The following ABCB1 variants were observed in gnomAD, a reference collection of about 807,000 sequenced individuals.
ABCB1 encodes ATP-dependent translocase ABCB1.
Under a neutral mutation model 142.0 loss-of-function variants are expected in ABCB1, and 69 were observed. That is an observed-to-expected ratio of 0.49 (90% CI 0.40 to 0.59). The LOEUF is 0.59. Ranked by LOEUF, ABCB1 falls within the 20% of genes least tolerant of loss-of-function variation. The pLI is 0.00. For synonymous variants in ABCB1, 532 were observed against 539.2 expected (o/e 0.99, Z 0.18); for missense variants, 1,326 against 1,554.7 (o/e 0.85, Z 2.47).
At chr7:87,697,923 C>T (rs939599876) in intron 1 of ABCB1, among the ~76,000 whole-genome samples, 12 of 152,040 alleles carry the variant, frequency 7.9e-5, no homozygotes, top group South Asian at 2.1e-4. Flanking sequence ...CCCCTCCAAA[C>T]GGCTAACAAA....
chr7:87,505,765 G>T (rs1375932599), intron 27 of ABCB1, 132 bp downstream of exon 27: 15 of 1,115,458 alleles, frequency 1.3e-5, no homozygotes, highest in Non-Finnish European at 1.9e-5. Flanking sequence ...TACAGAAAGT[G>T]TTTACATTTT....
At chr7:87,663,716 A>G (rs1010765676) in intron 1 of ABCB1, among the ~76,000 whole-genome samples, 3 of 152,154 alleles carry the variant, frequency 2.0e-5, no homozygotes, top group Non-Finnish European at 4.4e-5. Context: ...GAGTACTATA[A>G]CAAAATACTA....
intron 27 of ABCB1, among the ~76,000 whole-genome samples, chr7:87,505,446 C>T (rs545382821): frequency 1.3e-5 from 2 of 152,228 alleles, no homozygotes; most frequent in South Asian, 4.1e-4. Flanking sequence ...TACAGACTCC[C>T]GAATTTTTTT....
intron 7 of ABCB1, among the ~76,000 whole-genome samples, chr7:87,561,864 T>C (rs1057362456): frequency 2.0e-5 from 3 of 152,068 alleles, no homozygotes; most frequent in African/African-American, 7.2e-5. Context: ...CACATGCCTA[T>C]TGTCTCAGCT....
intron 1 of ABCB1, among the ~76,000 whole-genome samples, chr7:87,702,875 CT>C (rs765627938): frequency 3.5e-4 from 54 of 152,252 alleles, no homozygotes; most frequent in Non-Finnish European, 5.7e-4. Flanking sequence ...CTGAAATACT[CT>C]TGTCCCAAGC....
At chr7:87,628,886 G>A in intron 1 of ABCB1, 1 of 1,300,072 alleles carries the variant, frequency 7.7e-7, no homozygotes, top group Non-Finnish European at 9.8e-7. Context: ...GAGGCGGCAA[G>A]AAAAGCCTGA....
chr7:87,539,267 C>G lies in ABCB1; in HGVS notation c.2397+1G>C, dbSNP rs764778797. ...CAGGGCACAGCCCTCGATAGACATA[C>G]CTGTCTGAGCATGGATCGGAAAACC... is the stretch of plus-strand genomic sequence containing the variant. On this transcript the variant is annotated splice_donor_variant, in intron 19 of 27. Coordinates refer to ENST00000622132, the MANE Select transcript of ABCB1 (RefSeq NM_001348946.2). LOFTEE classifies it high-confidence loss of function. 1 of 1,613,932 alleles carries G rather than the reference C, an allele frequency of 6.2e-7. No individual in the cohort carries two copies. The highest frequency in any genetic ancestry group is 8.5e-7 in the Non-Finnish European group (1 of 1,179,884).
intron 1 of ABCB1, among the ~76,000 whole-genome samples, chr7:87,647,041 G>T (rs542411231): frequency 6.6e-6 from 1 of 152,028 alleles, no homozygotes; most frequent in South Asian, 2.1e-4. Flanking sequence ...CCTCAATCAG[G>T]GTTCATCTGA....
chr7:87,546,720 C>G lies in ABCB1; in HGVS notation c.1726-696G>C, dbSNP rs28381907. 3.6e-3 allele frequency among the ~76,000 whole-genome samples: 554 copies of G among 152,156 alleles called. 12 individuals carry two copies. The highest frequency in any genetic ancestry group is 0.034 in the East Asian group (178 of 5,182). ...GCCCTAGGAATTATAATATCCTATC[C>G]CGCATGACCCCCTGGATGAACAAGA... On this transcript the variant is annotated intron_variant, in intron 14 of 27. Coordinates refer to ENST00000622132, the MANE Select transcript of ABCB1 (RefSeq NM_001348946.2).
intron 1 of ABCB1, among the ~76,000 whole-genome samples, chr7:87,610,536 A>G (rs1270776758): frequency 6.6e-6 from 1 of 150,892 alleles, no homozygotes; most frequent in Non-Finnish European, 1.5e-5. Flanking sequence ...GGAGTCAGCC[A>G]CTGCATCTGG....
At chr7:87,549,024 C>T (rs552007486) in intron 14 of ABCB1, among the ~76,000 whole-genome samples, 1 of 152,268 alleles carries the variant, frequency 6.6e-6, no homozygotes, top group African/African-American at 2.4e-5. Context: ...TCCACATAGT[C>T]AAGTTTTGAA....
chr7:87,512,822 C>G (rs150952375), intron 25 of ABCB1, among the ~76,000 whole-genome samples: 67 of 152,298 alleles, frequency 4.4e-4, no homozygotes, highest in Middle Eastern at 6.8e-3. Flanking sequence ...AATGGATATT[C>G]CTGCAATAAA....
At position 87,587,647 on chromosome 7, in the gene ABCB1, A is replaced by G. The variant is rs185481261; in HGVS notation, c.118-1967T>C. ...AGCACTTTGGGAGGCCAAGGCGGGC[A>G]GATCACGAGGTCAGGAGATCAATAC... On this transcript the variant is annotated intron_variant, in intron 3 of 27. Transcript: ENST00000622132. Among the ~76,000 whole-genome samples the G allele has an allele frequency of 8.8e-3, 1,343 of 152,164 alleles. 20 individuals carry two copies. The highest frequency in any genetic ancestry group is 0.031 in the African/African-American group (1,270 of 41,532).
Position 87,515,425 on chromosome 7 carries a change from T to C in ABCB1, c.3088A>G (p.Thr1030Ala), listed in dbSNP as rs201542635. 6.2e-7 allele frequency: 1 copy of C among 1,614,080 alleles called. No individual in the cohort carries two copies. Among genetic ancestry groups the C allele is most frequent in the Non-Finnish European group, 8.5e-7 (1 of 1,179,924 alleles). The change falls in exon 25 of 28, where the codon ACA becomes GCA. Residue 1030 changes from threonine (T) to alanine (A), a missense_variant. Physicochemically the swap from Thr to Ala is moderately conservative, Grantham distance 58. Transcript: ENST00000622132. ...SYSTEGLMPN[T>A]LEGNVTFGEV... ...CCAAATGTGACATTTCCTTCCAATG[T>C]GTTCTGCAATGAGAAGAATAACAGT...
At chr7:87,513,847 A>G (rs967321442) in intron 25 of ABCB1, among the ~76,000 whole-genome samples, 1 of 152,210 alleles carries the variant, frequency 6.6e-6, no homozygotes, top group African/African-American at 2.4e-5. Context: ...TCTTTAACAC[A>G]CCACTTAATA....
At chr7:87,621,588 T>C (rs1820224067) in intron 1 of ABCB1, among the ~76,000 whole-genome samples, 1 of 152,122 alleles carries the variant, frequency 6.6e-6, no homozygotes, top group Non-Finnish European at 1.5e-5. Context: ...CTAAACATTG[T>C]GTGAAAACCA....
intron 7 of ABCB1, among the ~76,000 whole-genome samples, chr7:87,564,852 C>G (rs1817723241): frequency 1.3e-5 from 2 of 152,114 alleles, no homozygotes; most frequent in South Asian, 4.2e-4. Flanking sequence ...AAACAGACAT[C>G]AAAACATTTT....
intron 21 of ABCB1, among the ~76,000 whole-genome samples, chr7:87,530,027 A>G (rs1226484211): frequency 2.0e-5 from 3 of 152,146 alleles, no homozygotes; most frequent in Non-Finnish European, 2.9e-5. Flanking sequence ...TCCAGAGGGA[A>G]CCCCCCAAAA....
chr7:87,532,071 C>T (rs946052209), intron 20 of ABCB1, among the ~76,000 whole-genome samples: 7 of 152,134 alleles, frequency 4.6e-5, no homozygotes, highest in African/African-American at 1.4e-4. Flanking sequence ...AGTTCCAGCT[C>T]TAAAGCCAGA....
Sources: allele counts gnomAD v4.1 joint callset (sites outside exome capture counted in the v4.1 genomes callset), GRCh38; gene constraint gnomAD v4.1.1; transcripts MANE v1.5; gene names NCBI Gene and HGNC (gene_info 2026-07-23, HGNC 2026-07-21).